The following RBKS variants were observed in gnomAD, a reference collection of about 807,000 sequenced individuals.
The protein encoded by RBKS is ribokinase.
A neutral mutation model predicts 33.9 loss-of-function variants in RBKS; 33 were observed. The observed-to-expected ratio is 0.97, with a 90% CI of 0.74 to 1.30. The LOEUF is 1.30. Among genes scored for constraint, RBKS ranks in the 50% most tolerant of loss-of-function variants. The pLI is 0.00. For synonymous variants in RBKS, 125 were observed against 143.0 expected, an observed-to-expected ratio of 0.87 and a Z score of 0.90; for missense variants, 361 against 392.6, an observed-to-expected ratio of 0.92 and a Z score of 0.68.
At chr2:27,806,416 G>A (rs973713507) in intron 7 of RBKS, among the ~76,000 whole-genome samples, 9 of 152,344 alleles carry the variant, frequency 5.9e-5, no homozygotes, top group Non-Finnish European at 7.3e-5. Flanking sequence ...TCTGCCTGCA[G>A]AGTGTGACAT....
At chr2:27,799,190 A>G (rs1677726927) in intron 7 of RBKS, among the ~76,000 whole-genome samples, 2 of 152,228 alleles carry the variant, frequency 1.3e-5, no homozygotes, top group Admixed American at 1.3e-4. Context: ...TTGATAGAAA[A>G]GGGGACAAGT....
intron 2 of RBKS, among the ~76,000 whole-genome samples, chr2:27,850,004 T>C (rs1315035638): frequency 1.3e-5 from 2 of 152,150 alleles, no homozygotes; most frequent in Non-Finnish European, 2.9e-5. Flanking sequence ...TCTTCTCCCA[T>C]ACCCCTCTAA....
intron 2 of RBKS, among the ~76,000 whole-genome samples, chr2:27,851,672 G>A (rs1663748856): frequency 1.3e-5 from 2 of 152,044 alleles, no homozygotes; most frequent in African/African-American, 4.8e-5. Flanking sequence ...CCGAGTAGCT[G>A]GGATTACAGG....
chr2:27,794,876 G>A (rs1573034514), intron 7 of RBKS, among the ~76,000 whole-genome samples: 1 of 152,002 alleles, frequency 6.6e-6, no homozygotes, highest in Non-Finnish European at 1.5e-5. Context: ...CGCCTGCCTC[G>A]GCCTCCCAAA....
intron 2 of RBKS, among the ~76,000 whole-genome samples, chr2:27,849,558 T>G (rs1573063408): frequency 1.3e-4 from 1 of 7,942 alleles, no homozygotes; most frequent in Non-Finnish European, 2.2e-4. Context: ...AGACTCTGTC[T>G]CAAAAAAAAA....
chr2:27,889,236 C>T (rs769012231), intron 1 of RBKS, among the ~76,000 whole-genome samples: 4 of 152,160 alleles, frequency 2.6e-5, no homozygotes, highest in Admixed American at 6.5e-5. Flanking sequence ...GAGTAGAATA[C>T]AGGTGGTTTG....
At chr2:27,783,107 T>TA (rs1302348334) in intron 7 of RBKS, among the ~76,000 whole-genome samples, 1 of 152,186 alleles carries the variant, frequency 6.6e-6, no homozygotes, top group African/African-American at 2.4e-5. Flanking sequence ...CCCTTTGACA[T>TA]ACGCCCATCC....
At chr2:27,843,442 A>G (rs964902561) in intron 4 of RBKS, among the ~76,000 whole-genome samples, 1 of 152,232 alleles carries the variant, frequency 6.6e-6, no homozygotes, top group African/African-American at 2.4e-5. Flanking sequence ...TATTCTGATC[A>G]CCTTAAGCAA....
intron 7 of RBKS, among the ~76,000 whole-genome samples, chr2:27,789,897 T>TAG: frequency 7.3e-6 from 1 of 136,494 alleles, no homozygotes; most frequent in East Asian, 2.1e-4. Flanking sequence ...TGTGTGTGTA[T>TAG]AGAGTGTGTG....
At chr2:27,831,428 G>A (rs1348898706) in intron 6 of RBKS, among the ~76,000 whole-genome samples, 1 of 152,110 alleles carries the variant, frequency 6.6e-6, no homozygotes, top group Non-Finnish European at 1.5e-5. Context: ...TGGCAGTTGA[G>A]GGTACTCTAA....
intron 7 of RBKS, among the ~76,000 whole-genome samples, chr2:27,822,620 T>C (rs1678234013): frequency 6.6e-6 from 1 of 152,258 alleles, no homozygotes; most frequent in African/African-American, 2.4e-5. Context: ...TACTTCTTAC[T>C]GGTGCAATCC....
At chr2:27,812,601 G>A (rs1432511620) in intron 7 of RBKS, among the ~76,000 whole-genome samples, 3 of 152,060 alleles carry the variant, frequency 2.0e-5, no homozygotes, top group East Asian at 1.9e-4. Context: ...GCAAACTATC[G>A]CAAGGACAAA....
chr2:27,819,265 A>C (rs1558540852), intron 7 of RBKS, among the ~76,000 whole-genome samples: 1 of 152,136 alleles, frequency 6.6e-6, no homozygotes, highest in Non-Finnish European at 1.5e-5. Flanking sequence ...GTGTGCTCAC[A>C]TGACTCTTTG....
chr2:27,801,412 G>A (rs1176998673), intron 7 of RBKS, among the ~76,000 whole-genome samples: 1 of 150,408 alleles, frequency 6.6e-6, no homozygotes, highest in African/African-American at 2.5e-5. Flanking sequence ...TGGTGGCAGT[G>A]CGTGAAAAAA....
At chr2:27,862,407 C>T (rs1025099492) in intron 1 of RBKS, among the ~76,000 whole-genome samples, 7 of 152,048 alleles carry the variant, frequency 4.6e-5, no homozygotes, top group South Asian at 4.1e-4. Flanking sequence ...TAAATACATA[C>T]GACAAGAATA....
At chr2:27,879,614 A>C (rs1457180473) in intron 1 of RBKS, among the ~76,000 whole-genome samples, 1 of 152,208 alleles carries the variant, frequency 6.6e-6, no homozygotes, top group Non-Finnish European at 1.5e-5. Context: ...CCACGAGCCA[A>C]CACATTTCTG....
intron 7 of RBKS, among the ~76,000 whole-genome samples, chr2:27,789,917 T>G (rs7596967): frequency 0.29 from 30,092 of 105,200 alleles, 3,760 homozygotes; most frequent in East Asian, 0.58. Flanking sequence ...GTGTGTGTGT[T>G]TGTGTGTGTA....
At chr2:27,870,901 C>T (rs575535946) in intron 1 of RBKS, 8 of 457,342 alleles carry the variant, frequency 1.7e-5, no homozygotes, top group South Asian at 1.2e-4. Context: ...CTGAAAAATA[C>T]ATTACACAAA....
chr2:27,865,419 A>T (rs556863234), intron 1 of RBKS, among the ~76,000 whole-genome samples: 32 of 152,324 alleles, frequency 2.1e-4, no homozygotes, highest in Non-Finnish European at 3.1e-4. Context: ...ACATTCATGA[A>T]GCATTGCTTC....
Sources: allele counts gnomAD v4.1 joint callset (sites outside exome capture counted in the v4.1 genomes callset), GRCh38; gene constraint gnomAD v4.1.1; transcripts MANE v1.5; gene names NCBI Gene and HGNC (gene_info 2026-07-23, HGNC 2026-07-21).